Variants in PRUNE2 observed in about 807,000 individuals in gnomAD.
PRUNE2 encodes the protein prune homolog 2 with BCH domain.
In PRUNE2, 164 loss-of-function variants were observed where a neutral mutation model predicts 252.0. That is an observed-to-expected ratio of 0.65 (90% confidence interval 0.57 to 0.74). PRUNE2 has a LOEUF of 0.74. Ranked by LOEUF, PRUNE2 falls within the 30% of genes least tolerant of loss-of-function variation. PRUNE2 has a pLI of 0.00. For missense variants in PRUNE2, 3,495 were observed against 3,711.0 expected (o/e 0.94, Z 1.51); for synonymous variants, 1,292 against 1,350.2 (o/e 0.96, Z 0.94).
intron 11 of PRUNE2, chr9:76,645,137 GAA>G (rs1353178723): frequency 4.4e-4 from 198 of 448,316 alleles, no homozygotes; most frequent in Non-Finnish European, 6.9e-4. Flanking sequence ...TTTATTAACT[GAA>G]CAACCACATC....
At chr9:76,782,956 G>A (rs1425819837) in intron 6 of PRUNE2, 1 of 152,198 alleles carries the variant, frequency 6.6e-6, no homozygotes, top group Non-Finnish European at 1.5e-5. Flanking sequence ...TGGTGTCTAT[G>A]AATTAGACAA....
At chr9:76,699,194 TA>T (rs2045675349) in intron 9 of PRUNE2, among the ~76,000 whole-genome samples, 1 of 152,120 alleles carries the variant, frequency 6.6e-6, no homozygotes, top group South Asian at 2.1e-4. Flanking sequence ...CCAATATATC[TA>T]TATATCGATT....
intron 9 of PRUNE2, among the ~76,000 whole-genome samples, chr9:76,671,655 AGGTCG>A (rs1407543101): frequency 6.6e-6 from 1 of 152,178 alleles, no homozygotes; most frequent in African/African-American, 2.4e-5. Flanking sequence ...CCAGAGAGAA[AGGTCG>A]GGTTACCATC....
Position 76,727,714 on chromosome 9 carries a change from T to C in PRUNE2, c.757-13993A>G, listed in dbSNP as rs1449365308. Among the ~76,000 whole-genome samples, 20 of 140,514 alleles carry C rather than the reference T, an allele frequency of 1.4e-4. No individual in the cohort carries two copies. The South Asian group carries it at 4.7e-3, about 33-fold the overall frequency. The allele number at this position is 140,514 out of a possible 152,430, so 92.2% of individuals were successfully genotyped here. ...CTTAGTTATGGGTAAACAGGGCTTT[T>C]TTTTTTTTTTTTTTTTTTGAAACAG... On this transcript the variant is annotated intron_variant, in intron 6 of 18. Coordinates refer to ENST00000376718, the MANE Select transcript of PRUNE2 (RefSeq NM_015225.3).
intron 12 of PRUNE2, among the ~76,000 whole-genome samples, chr9:76,643,913 T>C (rs1456572867): frequency 6.6e-6 from 1 of 152,094 alleles, no homozygotes; most frequent in Non-Finnish European, 1.5e-5. Context: ...AAGAGAGAAC[T>C]GAGAGAGCAA....
chr9:76,855,980 T>C (rs989282036), intron 1 of PRUNE2, among the ~76,000 whole-genome samples: 3 of 152,190 alleles, frequency 2.0e-5, no homozygotes, highest in Admixed American at 1.3e-4. Flanking sequence ...TAAAGAAAGG[T>C]AGGTAAATGG....
intron 6 of PRUNE2, among the ~76,000 whole-genome samples, chr9:76,761,094 A>AAAG (rs2051679609): frequency 6.6e-6 from 1 of 151,142 alleles, no homozygotes; most frequent in African/African-American, 2.4e-5. Context: ...TCAAAAAAAA[A>AAAG]AAAAAAAAAA....
intron 6 of PRUNE2, among the ~76,000 whole-genome samples, chr9:76,715,673 C>G (rs2047088590): frequency 6.6e-6 from 1 of 152,110 alleles, no homozygotes; most frequent in Non-Finnish European, 1.5e-5. Flanking sequence ...TCCAAATGGC[C>G]TAATAACAAT....
intron 1 of PRUNE2, among the ~76,000 whole-genome samples, chr9:76,855,329 T>C (rs1281122644): frequency 1.3e-5 from 2 of 152,044 alleles, no homozygotes; most frequent in Non-Finnish European, 2.9e-5. Flanking sequence ...CCACTTTTCA[T>C]CACTTGTTTT....
At chr9:76,894,483 C>T (rs769531381) in intron 1 of PRUNE2, among the ~76,000 whole-genome samples, 2 of 152,152 alleles carry the variant, frequency 1.3e-5, no homozygotes, top group East Asian at 3.9e-4. Flanking sequence ...CAGACATACC[C>T]GTGGCAGGGA....
intron 6 of PRUNE2, among the ~76,000 whole-genome samples, chr9:76,745,712 T>C (rs1474660228): frequency 1.3e-5 from 2 of 152,216 alleles, no homozygotes; most frequent in East Asian, 3.8e-4. Flanking sequence ...CAGCTCTACA[T>C]GTGTAAATAA....
chr9:76,807,290 C>G (rs953851889), intron 6 of PRUNE2, among the ~76,000 whole-genome samples: 1 of 151,830 alleles, frequency 6.6e-6, no homozygotes, highest in South Asian at 2.1e-4. Context: ...CCAGGATGGT[C>G]TCGAACTCCT....
intron 9 of PRUNE2, among the ~76,000 whole-genome samples, chr9:76,660,715 G>A (rs1850989159): frequency 6.8e-6 from 1 of 146,886 alleles, no homozygotes; most frequent in Non-Finnish European, 1.5e-5. Flanking sequence ...CCGGGAGGCG[G>A]AAGTTGCAGA....
At chr9:76,835,009 T>C (rs780283143) in intron 4 of PRUNE2, among the ~76,000 whole-genome samples, 1 of 152,202 alleles carries the variant, frequency 6.6e-6, no homozygotes, top group Non-Finnish European at 1.5e-5. Context: ...CAAAGTATCT[T>C]AGCTATTCAT....
chr9:76,648,930 GAAAC>G (rs1846043916), intron 11 of PRUNE2, among the ~76,000 whole-genome samples: 1 of 152,180 alleles, frequency 6.6e-6, no homozygotes, highest in African/African-American at 2.4e-5. Context: ...TAGTAAGTGA[GAAAC>G]AAACAGCTGA....
chr9:76,830,666 A>T (rs890487500), intron 4 of PRUNE2, among the ~76,000 whole-genome samples: 1 of 144,426 alleles, frequency 6.9e-6, no homozygotes, highest in Non-Finnish European at 1.5e-5. Context: ...ACAAAAAAAG[A>T]AAAAAAAAAA....
intron 6 of PRUNE2, among the ~76,000 whole-genome samples, chr9:76,766,015 T>TA (rs1003884460): frequency 3.2e-4 from 49 of 151,928 alleles, no homozygotes; most frequent in Admixed American, 3.2e-3. Context: ...ACCCCGTCTC[T>TA]ACTAAAAATA....
chr9:76,879,903 ATTTTTTTTTTTTTTT>A (rs71354691), intron 1 of PRUNE2, among the ~76,000 whole-genome samples: 2 of 31,004 alleles, frequency 6.5e-5, no homozygotes, highest in South Asian at 3.8e-3. Flanking sequence ...ATATATATAT[ATTTTTTTTTTTTTTT>A]TTTTTTTTTT....
At chr9:76,733,092 G>C (rs1406939832) in intron 6 of PRUNE2, among the ~76,000 whole-genome samples, 2 of 152,084 alleles carry the variant, frequency 1.3e-5, no homozygotes, top group Non-Finnish European at 2.9e-5. Flanking sequence ...TTTTCTACCT[G>C]CTGAGAGAGA....
Sources: gnomAD v4.1 joint callset for allele counts (sites outside exome capture counted in the v4.1 genomes callset) on GRCh38, gnomAD v4.1.1 for gene constraint, MANE v1.5 for transcripts, NCBI Gene and HGNC (gene_info 2026-07-23, HGNC 2026-07-21) for gene names.